LHX4: variants seen among roughly 807,000 people sequenced by gnomAD.
LHX4 encodes LIM/homeobox protein Lhx4.
Under a neutral mutation model 39.2 loss-of-function variants are expected in LHX4, and 16 were observed. The observed-to-expected ratio is 0.41, with a 90% CI of 0.28 to 0.62. The LOEUF (loss-of-function observed/expected upper bound fraction) is 0.62. Among genes scored for constraint, LHX4 ranks in the 20% least tolerant of loss-of-function variants. The pLI is 0.33. For missense variants in LHX4, 439 were observed against 511.9 expected (o/e 0.86, Z 1.37); for synonymous variants, 206 against 198.1 (o/e 1.04, Z -0.33).
chr1:180,229,873 G>A (rs916691478), upstream of LHX4, among the ~76,000 whole-genome samples: 1 of 150,534 alleles, frequency 6.6e-6, no homozygotes, highest in Non-Finnish European at 1.5e-5. Flanking sequence ...CGCCGTCTCC[G>A]ACCACCTGCT....
chr1:180,248,633 C>A, intron 2 of LHX4, 177 bp downstream of exon 2: 1 of 702,032 alleles, frequency 1.4e-6, no homozygotes, highest in Non-Finnish European at 2.5e-6. Context: ...TGATCACTGG[C>A]CCATCACTGC....
intron 2 of LHX4, among the ~76,000 whole-genome samples, chr1:180,256,080 T>A (rs1380649071): frequency 6.6e-6 from 1 of 152,202 alleles, no homozygotes. Context: ...TGCCATGCCA[T>A]GGGGTTCACC....
At chr1:180,248,619 C>T in intron 2 of LHX4, 163 bp downstream of exon 2, 2 of 733,602 alleles carry the variant, frequency 2.7e-6, no homozygotes, top group South Asian at 3.0e-5. Flanking sequence ...TGAGGTCCCC[C>T]TTCTGATCAC....
chr1:180,254,381 G>A (rs1328063906), intron 2 of LHX4, among the ~76,000 whole-genome samples: 2 of 152,186 alleles, frequency 1.3e-5, no homozygotes, highest in African/African-American at 4.8e-5. Context: ...TCTGCTCCCC[G>A]CGGTGCCCCT....
At chr1:180,249,912 AGT>A (rs750852550) in intron 2 of LHX4, among the ~76,000 whole-genome samples, 29 of 127,846 alleles carry the variant, frequency 2.3e-4, no homozygotes, top group Non-Finnish European at 3.4e-4. Flanking sequence ...TGTGTGTGAC[AGT>A]GTGTGTGAGA....
intron 2 of LHX4, among the ~76,000 whole-genome samples, chr1:180,261,079 G>A (rs895394576): frequency 6.6e-6 from 1 of 151,960 alleles, no homozygotes; most frequent in African/African-American, 2.4e-5. Context: ...ATTTCAACCC[G>A]GGACTTAATG....
At chr1:180,229,453 G>A (rs986546337), upstream of LHX4, among the ~76,000 whole-genome samples, 1 of 152,146 alleles carries the variant, frequency 6.6e-6, no homozygotes, top group Non-Finnish European at 1.5e-5. Flanking sequence ...CCACCTCCGC[G>A]CACAGCCCCT....
chr1:180,235,807 G>A (rs564415586), intron 1 of LHX4, among the ~76,000 whole-genome samples: 7 of 152,226 alleles, frequency 4.6e-5, no homozygotes, highest in Non-Finnish European at 1.0e-4. Flanking sequence ...TGCACTCACC[G>A]CACGAGAGGC....
rs1007120380 is a variant in LHX4 at position 180,276,762 on chromosome 1, G to C, written c.*2183G>C. 1.4e-4 allele frequency: 21 copies of C among 151,514 alleles called. No individual in the cohort carries two copies. The highest frequency in any genetic ancestry group is 5.1e-4 in the African/African-American group (21 of 41,272). The allele number at this position is 151,514 out of a possible 1,614,324, so 9.4% of individuals were successfully genotyped here. A position where few individuals can be genotyped will look rare whatever the true frequency, so the allele number is the denominator to read the frequency against. On this transcript the variant is annotated 3_prime_UTR_variant, in exon 6 of 6. Coordinates refer to ENST00000263726, the MANE Select transcript of LHX4 (RefSeq NM_033343.4). ...TGTTGCAGGTTGACTATTTGGCTTA[G>C]CAACTCATGGGATTTCAGAGGCCCT...
intron 1 of LHX4, among the ~76,000 whole-genome samples, chr1:180,247,073 T>C (rs531512513): frequency 1.3e-5 from 2 of 152,228 alleles, no homozygotes; most frequent in Non-Finnish European, 2.9e-5. Flanking sequence ...TTTGTTACCT[T>C]CCTTTTTTGA....
At position 180,274,662 on chromosome 1, in the gene LHX4, C is replaced by G. The variant is rs557484323; in HGVS notation, c.*83C>G. 1 of 1,412,312 alleles carries G rather than the reference C, an allele frequency of 7.1e-7. No individual in the cohort carries two copies. Among genetic ancestry groups the G allele is most frequent in the East Asian group, 2.3e-5 (1 of 43,460 alleles). The allele number at this position is 1,412,312 out of a possible 1,614,324, so 87.5% of individuals were successfully genotyped here. A position where few individuals can be genotyped will look rare whatever the true frequency, so the allele number is the denominator to read the frequency against. On this transcript the variant is annotated 3_prime_UTR_variant, in exon 6 of 6. Coordinates refer to ENST00000263726, the MANE Select transcript of LHX4 (RefSeq NM_033343.4). Reference sequence around the variant, plus strand: ...CAAAAGAGACTTGCCTTTTAAGGATCGAAAGTACGCCAATGTGAATTTCCA... The same window carrying G: ...CAAAAGAGACTTGCCTTTTAAGGATGGAAAGTACGCCAATGTGAATTTCCA...
Position 180,271,902 on chromosome 1 carries a change from G to C in LHX4, c.674G>C (p.Gly225Ala). The C allele has an allele frequency of 6.2e-7, 1 of 1,613,632 alleles. No homozygotes were observed. Among genetic ancestry groups the C allele is most frequent in the South Asian group, 1.1e-5 (1 of 91,058 alleles). The change falls in exon 5 of 6, where the codon GGG becomes GCG. Residue 225 changes from glycine to alanine, a missense_variant. Coordinates refer to ENST00000263726, the MANE Select transcript of LHX4 (RefSeq NM_033343.4). ...AAGGATGCAGGGCGGCACCGCTGGG[G>C]GCAGTTCTATAAGAGCGTCAAGAGG... ...LKKDAGRHRW[G>A]QFYKSVKRSR...
At chr1:180,263,736 C>T (rs1644063657) in intron 2 of LHX4, among the ~76,000 whole-genome samples, 1 of 152,162 alleles carries the variant, frequency 6.6e-6, no homozygotes, top group Admixed American at 6.5e-5. Context: ...TCTTTCATGT[C>T]TCTGGTGTGC....
intron 2 of LHX4, among the ~76,000 whole-genome samples, chr1:180,249,943 T>C (rs543111386): frequency 6.6e-6 from 1 of 150,958 alleles, no homozygotes; most frequent in Non-Finnish European, 1.5e-5. Context: ...GGGTGAGTGT[T>C]GTGTGAGTGT....
At chr1:180,235,593 C>T (rs1281441970) in intron 1 of LHX4, among the ~76,000 whole-genome samples, 2 of 152,228 alleles carry the variant, frequency 1.3e-5, no homozygotes, top group African/African-American at 4.8e-5. Context: ...GTGCCCGGCC[C>T]GCGCGTTCTG....
Position 180,276,895 on chromosome 1 carries a change from GT to G in LHX4, c.*2321del, listed in dbSNP as rs1649070012. On this transcript the variant is annotated 3_prime_UTR_variant, in exon 6 of 6. Coordinates refer to ENST00000263726, the MANE Select transcript of LHX4 (RefSeq NM_033343.4). ...AAGATCACTGTAAGTAAGTTGACCA[GT>G]TTTTGTAAGTTAATCATACTAATTC... The G allele has an allele frequency of 6.6e-6, 1 of 151,956 alleles. No individual in the cohort carries two copies. The highest frequency in any genetic ancestry group is 1.9e-4 in the East Asian group (1 of 5,180). 9.4% of individuals were successfully genotyped at this position (151,956 alleles called of 1,614,324 possible).
intron 1 of LHX4, among the ~76,000 whole-genome samples, chr1:180,239,969 T>G (rs1003409450): frequency 6.6e-6 from 1 of 152,150 alleles, no homozygotes; most frequent in African/African-American, 2.4e-5. Context: ...GTGGCTCCCA[T>G]GGACCCAGCT....
chr1:180,258,878 A>G (rs1246702891), intron 2 of LHX4, among the ~76,000 whole-genome samples: 2 of 152,018 alleles, frequency 1.3e-5, no homozygotes, highest in Non-Finnish European at 1.5e-5. Flanking sequence ...GGATTTGCTG[A>G]CAGATCAGAT....
intron 5 of LHX4, 140 bp from the exon 6 acceptor site, chr1:180,274,045 G>T: frequency 9.9e-7 from 1 of 1,013,126 alleles, no homozygotes. Context: ...CCATATTGGT[G>T]TGTCTGACCC....
Sources: gnomAD v4.1 joint callset for allele counts (sites outside exome capture counted in the v4.1 genomes callset) on GRCh38, gnomAD v4.1.1 for gene constraint, MANE v1.5 for transcripts, NCBI Gene and HGNC (gene_info 2026-07-23, HGNC 2026-07-21) for gene names.